CTSC: variants seen among roughly 807,000 people sequenced by gnomAD.
The protein encoded by CTSC is dipeptidyl peptidase 1.
In CTSC, 37 loss-of-function variants were observed where a neutral mutation model predicts 40.9. The ratio of observed to expected loss-of-function variants is 0.91; its 90% CI spans 0.70 to 1.19. CTSC has a LOEUF of 1.19. Ranked by LOEUF, CTSC falls within the 50% of genes most tolerant of loss-of-function variation. CTSC has a pLI of 0.00. For synonymous variants in CTSC, 232 were observed against 207.4 expected, an observed-to-expected ratio of 1.12 and a Z score of -1.02; for missense variants, 594 against 567.3, an observed-to-expected ratio of 1.05 and a Z score of -0.48.
chr11:88,329,895 T>G (rs1474983196), intron 2 of CTSC, among the ~76,000 whole-genome samples: 1 of 152,148 alleles, frequency 6.6e-6, no homozygotes, highest in South Asian at 2.1e-4. Flanking sequence ...CCTGGCTAAT[T>G]TTTGTATTTT....
chr11:88,311,519 A>G (rs1288106007), intron 3 of CTSC, among the ~76,000 whole-genome samples: 1 of 152,228 alleles, frequency 6.6e-6, no homozygotes, highest in Non-Finnish European at 1.5e-5. Context: ...CAAAACTAAT[A>G]AAGTCTAATT....
intron 2 of CTSC, 143 bp downstream of exon 2, chr11:88,334,794 A>AACT: frequency 1.5e-6 from 1 of 657,796 alleles, no homozygotes; most frequent in Non-Finnish European, 2.7e-6. Context: ...AAATTATACC[A>AACT]ACTACTACTA....
chr11:88,305,351 C>T (rs550651954), intron 4 of CTSC, among the ~76,000 whole-genome samples: 3 of 152,316 alleles, frequency 2.0e-5, no homozygotes, highest in African/African-American at 7.2e-5. Context: ...CAAGAGCCCT[C>T]TCTTGGGGTC....
In CTSC at chr11:88,337,580, G is replaced by A. The variant is rs1413553833; in HGVS notation, c.93C>T (p.Thr31=). ...AVRCDTPANC[T]YLDLLGTWVF... is the part of the protein sequence containing the mutation. ...CCCAGGTGCCCAGCAGGTCAAGATA[G>A]GTGCAGTTGGCAGGTGTGTCGCAGC... Residue 31 remains threonine, a synonymous_variant, in exon 1 of 7, where the codon ACC becomes ACT. Transcript: ENST00000227266. 1 of 1,577,484 alleles carries A rather than the reference G, an allele frequency of 6.3e-7. No individual in the cohort carries two copies. Among genetic ancestry groups the A allele is most frequent in the Non-Finnish European group, 8.6e-7 (1 of 1,160,764 alleles).
At chr11:88,322,014 G>C (rs780407096) in intron 2 of CTSC, 1 of 152,170 alleles carries the variant, frequency 6.6e-6, no homozygotes, top group African/African-American at 2.4e-5. Context: ...CAGTGATGTT[G>C]AGCTTTTCTT....
At chr11:88,300,504 CA>C (rs1443528055) in intron 5 of CTSC, 25 bp downstream of exon 5, 2 of 1,414,096 alleles carry the variant, frequency 1.4e-6, no homozygotes, top group Admixed American at 1.7e-5. Context: ...AACAAATTAA[CA>C]AAAAACTTAG....
At chr11:88,329,355 A>C (rs1938279057) in intron 2 of CTSC, among the ~76,000 whole-genome samples, 3 of 146,406 alleles carry the variant, frequency 2.0e-5, no homozygotes, top group Admixed American at 7.0e-5. Flanking sequence ...GATGGCGGGC[A>C]CCTGTAATCC....
At chr11:88,316,475 C>CTAAATAAATAAA (rs4002985) in intron 2 of CTSC, among the ~76,000 whole-genome samples, 38,542 of 144,756 alleles carry the variant, frequency 0.27, 5,839 homozygotes, top group East Asian at 0.49. Context: ...GATCCATTCT[C>CTAAATAAATAAA]TAAATAAATA....
chr11:88,325,046 T>A lies in CTSC; in HGVS notation c.318+9891A>T, dbSNP rs1401572840. ...GAGAGGAAAGTCCACCCAGACAATA[T>A]GAATTAAACATAACCCCATAATTTC... On this transcript the variant is annotated intron_variant, in intron 2 of 6. Coordinates refer to ENST00000227266, the MANE Select transcript of CTSC (RefSeq NM_001814.6). 6.1e-6 allele frequency: 6 copies of A among 984,972 alleles called. No homozygotes were observed. In the East Asian group the frequency reaches 4.5e-4, roughly 74 times the overall value. 61.0% of individuals were successfully genotyped at this position (984,972 alleles called of 1,614,324 possible).
At chr11:88,335,319 G>A (rs1170189429) in intron 1 of CTSC, among the ~76,000 whole-genome samples, 1 of 152,020 alleles carries the variant, frequency 6.6e-6, no homozygotes, top group Non-Finnish European at 1.5e-5. Context: ...CAGAAGCAGT[G>A]GCTCACGCCT....
intron 1 of CTSC, among the ~76,000 whole-genome samples, chr11:88,336,389 A>C (rs1938494249): frequency 6.6e-6 from 1 of 151,806 alleles, no homozygotes. Context: ...AATACAAAAT[A>C]TTAGCCGGGC....
intron 4 of CTSC, among the ~76,000 whole-genome samples, chr11:88,301,516 C>T (rs1213180720): frequency 6.6e-6 from 1 of 152,058 alleles, no homozygotes; most frequent in Non-Finnish European, 1.5e-5. Flanking sequence ...TCTTTCCTTG[C>T]CTCATTTGTG....
rs918670112 is a variant in CTSC, at chr11:88,313,101, G to A, written c.319-547C>T. Among the ~76,000 whole-genome samples the A allele has an allele frequency of 2.0e-5, 3 of 152,062 alleles. No individual in the cohort carries two copies. In the South Asian group the frequency reaches 6.2e-4, roughly 32 times the overall value. ...TTTTTTTTTCCAGGGATGGAGTCTT[G>A]CTGTGTTGCCCAGGCTGGAGTGCAG... On this transcript the variant is annotated intron_variant, in intron 2 of 6. Transcript: ENST00000227266.
intron 2 of CTSC, among the ~76,000 whole-genome samples, chr11:88,314,463 T>C (rs547593020): frequency 3.3e-5 from 5 of 152,312 alleles, no homozygotes; most frequent in Admixed American, 6.5e-5. Context: ...CTGTGTTATA[T>C]AGCACAGGAA....
At chr11:88,303,107 TGA>T (rs1348849130) in intron 4 of CTSC, among the ~76,000 whole-genome samples, 1 of 152,218 alleles carries the variant, frequency 6.6e-6, no homozygotes. Context: ...GGTTTCACAT[TGA>T]GAGAGTATGT....
chr11:88,310,372 G>C (rs922051261), intron 3 of CTSC, among the ~76,000 whole-genome samples: 15 of 152,080 alleles, frequency 9.9e-5, no homozygotes, highest in African/African-American at 3.6e-4. Context: ...TATCATACCT[G>C]TGTGCTAGAT....
intron 1 of CTSC, 95 bp downstream of exon 1, chr11:88,337,406 G>T: frequency 7.8e-7 from 1 of 1,276,414 alleles, no homozygotes; most frequent in Non-Finnish European, 1.1e-6. Flanking sequence ...ACCCACAAGC[G>T]TCTGCCTGGG....
At chr11:88,327,015 A>T (rs555382208) in intron 2 of CTSC, among the ~76,000 whole-genome samples, 1 of 152,182 alleles carries the variant, frequency 6.6e-6, no homozygotes, top group Admixed American at 6.5e-5. Context: ...TTCCTATTGC[A>T]TCTTCCTCCT....
rs370594847 is a variant in CTSC at position 88,330,997 on chromosome 11, G to A, written c.318+3940C>T. On this transcript the variant is annotated intron_variant, in intron 2 of 6. Coordinates refer to ENST00000227266, the MANE Select transcript of CTSC (RefSeq NM_001814.6). ...TGTCTCTCCTGGTGAGATGCAGGAT[G>A]CTGAGGGAAGCAGAAGGTAAAAGCA... Among the ~76,000 whole-genome samples, 18 of 152,370 alleles carry A rather than the reference G, an allele frequency of 1.2e-4. No individual in the cohort carries two copies. The South Asian group carries it at 3.5e-3, about 30-fold the overall frequency.
Sources: allele counts gnomAD v4.1 joint callset (sites outside exome capture counted in the v4.1 genomes callset), GRCh38; gene constraint gnomAD v4.1.1; transcripts MANE v1.5; gene names NCBI Gene and HGNC (gene_info 2026-07-23, HGNC 2026-07-21).